The following SBNO1 variants were observed in gnomAD, a reference collection of about 807,000 sequenced individuals.
SBNO1 encodes the protein strawberry notch homolog 1.
Under a neutral mutation model 173.6 loss-of-function variants are expected in SBNO1, and 23 were observed. The ratio of observed to expected loss-of-function variants is 0.13; its 90% CI spans 0.10 to 0.19. The LOEUF (loss-of-function observed/expected upper bound fraction) is 0.19. Among genes scored for constraint, SBNO1 ranks in the 10% least tolerant of loss-of-function variants. SBNO1 has a pLI of 1.00. For missense variants in SBNO1, 1,238 were observed against 1,671.2 expected, an observed-to-expected ratio of 0.74 and a Z score of 4.52; for synonymous variants, 632 against 571.5, an observed-to-expected ratio of 1.11 and a Z score of -1.51.
chr12:123,314,907 T>TC (rs1491413935), intron 23 of SBNO1, among the ~76,000 whole-genome samples: 3 of 126,910 alleles, frequency 2.4e-5, no homozygotes, highest in African/African-American at 8.6e-5. Flanking sequence ...AATTTTTGTA[T>TC]TTTTTTTTTT....
chr12:123,328,990 A>G, intron 9 of SBNO1, 95 bp from the exon 10 acceptor site: 4 of 709,276 alleles, frequency 5.6e-6, no homozygotes, highest in East Asian at 2.8e-5. Context: ...AACTCTTGTT[A>G]GGCCCATGAC....
At chr12:123,356,437 G>C (rs1311815044) in intron 1 of SBNO1, among the ~76,000 whole-genome samples, 2 of 152,024 alleles carry the variant, frequency 1.3e-5, no homozygotes, top group African/African-American at 4.8e-5. Context: ...CTAGTCTTTG[G>C]GTTTGTTTGT....
intron 20 of SBNO1, among the ~76,000 whole-genome samples, chr12:123,317,642 G>A (rs1240567777): frequency 6.6e-6 from 1 of 152,150 alleles, no homozygotes; most frequent in Non-Finnish European, 1.5e-5. Context: ...GTACTGACAA[G>A]AGTCTGGAAC....
intron 21 of SBNO1, among the ~76,000 whole-genome samples, chr12:123,316,265 C>T (rs1385090197): frequency 6.6e-6 from 1 of 152,128 alleles, no homozygotes; most frequent in East Asian, 1.9e-4. Context: ...GCTCTTGTTG[C>T]CAAAGGTAGA....
At chr12:123,302,249 TG>T (rs1178538548) in intron 30 of SBNO1, among the ~76,000 whole-genome samples, 6,638 of 144,392 alleles carry the variant, frequency 0.046, 153 homozygotes, top group South Asian at 0.093. Flanking sequence ...TTTTTTTTTT[TG>T]TTTTTTTTTT....
At position 123,310,474 on chromosome 12, in the gene SBNO1, C is replaced by T. The variant is rs552829492; in HGVS notation, c.3295+581G>A. ...GTCTTGGACTCCTGACCTTGTGATA[C>T]GCCTGCCTCAGCCTCCCAAAGTGAT... On this transcript the variant is annotated intron_variant, in intron 25 of 31. Coordinates refer to ENST00000602398, the MANE Select transcript of SBNO1 (RefSeq NM_001167856.3). Among the ~76,000 whole-genome samples, 793 of 151,762 alleles carry T rather than the reference C, an allele frequency of 5.2e-3. 4 individuals carry two copies. Among genetic ancestry groups the T allele is most frequent in the Non-Finnish European group, 9.6e-3 (649 of 67,934 alleles).
At chr12:123,346,933 C>T (rs1010504057) in intron 3 of SBNO1, among the ~76,000 whole-genome samples, 25 of 151,438 alleles carry the variant, frequency 1.7e-4, no homozygotes, top group Non-Finnish European at 8.8e-5. Context: ...CAAAAATTAG[C>T]CAGGCATGGT....
rs1225178553 is a variant in SBNO1 at position 123,293,227 on chromosome 12, AATTTTTTGT to A, written c.*2672_*2680del. The A allele has an allele frequency of 1.3e-5, 2 of 152,162 alleles. No homozygotes were observed. Among genetic ancestry groups the A allele is most frequent in the African/African-American group, 4.8e-5 (2 of 41,432 alleles). The allele number at this position is 152,162 out of a possible 1,614,324, so 9.4% of individuals were successfully genotyped here. Reference sequence around the variant, plus strand: ...ACCTATTTTACAGAAGTCAGCGGCAAATTTTTTGTATTTTTTGGTACAGATGGGGTTTTG... The same window carrying A: ...ACCTATTTTACAGAAGTCAGCGGCAAATTTTTTGGTACAGATGGGGTTTTG... On this transcript the variant is annotated 3_prime_UTR_variant, in exon 32 of 32. Transcript: ENST00000602398.
rs374257012 is a variant in SBNO1, at chr12:123,311,166, A to G, written c.3221-37T>C. Reference sequence around the variant, plus strand: ...GGATCAATTCTGACTCATAAATTACAAGGGATGTCTACAATGTACCACTAA... The same window carrying G: ...GGATCAATTCTGACTCATAAATTACGAGGGATGTCTACAATGTACCACTAA... On this transcript the variant is annotated intron_variant, in intron 24 of 31. Coordinates refer to ENST00000602398, the MANE Select transcript of SBNO1 (RefSeq NM_001167856.3). 10 of 1,473,780 alleles carry G rather than the reference A, an allele frequency of 6.8e-6. No individual in the cohort carries two copies. The African/African-American group carries it at 1.4e-4, about 20-fold the overall frequency. 91.3% of individuals were successfully genotyped at this position (1,473,780 alleles called of 1,614,324 possible).
intron 5 of SBNO1, among the ~76,000 whole-genome samples, chr12:123,337,324 C>T (rs1170776275): frequency 6.6e-6 from 1 of 152,176 alleles, no homozygotes; most frequent in African/African-American, 2.4e-5. Flanking sequence ...TTTTCACTAC[C>T]AGTACAATCA....
At position 123,352,333 on chromosome 12, in the gene SBNO1, C is replaced by T. The variant is rs181431343; in HGVS notation, c.1-1892G>A. The stretch of plus-strand genomic sequence containing the variant: ...GCCAAGAGTACGATCAGCATGACTA[C>T]GCAGTTTCGCTCTTGTTGCCCAAGG... On this transcript the variant is annotated intron_variant, in intron 1 of 31. Transcript: ENST00000602398. Among the ~76,000 whole-genome samples, 102 of 152,348 alleles carry T rather than the reference C, an allele frequency of 6.7e-4. 1 individual carries two copies. The highest frequency in any genetic ancestry group is 2.0e-3 in the African/African-American group (82 of 41,584).
At position 123,321,543 on chromosome 12, in the gene SBNO1, T is replaced by C. The variant is rs1869979975; in HGVS notation, c.2315A>G (p.Asp772Gly). The change falls in exon 17 of 32, where the codon GAT becomes GGT. Residue 772 changes from aspartate (D) to glycine (G), a missense_variant. By Grantham distance (94) the Asp-to-Gly change is moderately conservative (BLOSUM62 -1). Around this residue, in one of 14 missense-constraint regions of SBNO1, gnomAD observed 33 missense variants for 29.6 expected, o/e 1.11. Coordinates refer to ENST00000602398, the MANE Select transcript of SBNO1 (RefSeq NM_001167856.3). ...TAATATACTGAACTTACCATTTTCA[T>C]CATCCTCATTAGACTCATCTAAAAA... ...NPFLDESNED[D>G]ENDPWLIRKD... 1 of 1,608,842 alleles carries C rather than the reference T, an allele frequency of 6.2e-7. No homozygotes were observed. The highest frequency in any genetic ancestry group is 1.3e-5 in the African/African-American group (1 of 74,830).
intron 4 of SBNO1, 98 bp downstream of exon 4, chr12:123,345,160 A>T: frequency 9.8e-7 from 1 of 1,021,136 alleles, no homozygotes; most frequent in Non-Finnish European, 1.5e-6. Context: ...ACACCCTTTT[A>T]TGGCCAGTTC....
chr12:123,296,165 A>G (rs758916997), intron 31 of SBNO1, 115 bp from the exon 32 acceptor site: 6 of 644,762 alleles, frequency 9.3e-6, no homozygotes, highest in East Asian at 2.6e-5. Flanking sequence ...AGAAGTTCAC[A>G]CAAAAATTAA....
At chr12:123,310,330 T>C (rs1566026417) in intron 25 of SBNO1, among the ~76,000 whole-genome samples, 2 of 152,022 alleles carry the variant, frequency 1.3e-5, no homozygotes, top group Non-Finnish European at 2.9e-5. Context: ...CCCTGCCAGA[T>C]TCAAGCAGTT....
chr12:123,344,751 A>C (rs1240280737), intron 4 of SBNO1, among the ~76,000 whole-genome samples: 1 of 152,134 alleles, frequency 6.6e-6, no homozygotes, highest in East Asian at 1.9e-4. Context: ...CGGGAGGCTG[A>C]GGCAGGAGAA....
At chr12:123,331,482 A>AT in intron 7 of SBNO1, 107 bp from the exon 8 acceptor site, 1 of 1,011,618 alleles carries the variant, frequency 9.9e-7, no homozygotes, top group Non-Finnish European at 1.4e-6. Context: ...TTTGTTTTGT[A>AT]TATGTATTTT....
intron 1 of SBNO1, chr12:123,364,128 G>T: frequency 5.1e-6 from 5 of 985,554 alleles, no homozygotes; most frequent in Non-Finnish European, 6.0e-6. Flanking sequence ...GAGCCTGCAC[G>T]TGTCCCCCGC....
intron 1 of SBNO1, among the ~76,000 whole-genome samples, chr12:123,353,152 A>G (rs553656940): frequency 2.1e-4 from 32 of 152,314 alleles, no homozygotes; most frequent in Admixed American, 5.2e-4. Context: ...AACCTGAGGA[A>G]GAAAACCATT....
Sources: gnomAD v4.1 joint callset for allele counts (sites outside exome capture counted in the v4.1 genomes callset) on GRCh38, gnomAD v4.1.1 for gene constraint, gnomAD v4.1.1 regional missense constraint, MANE v1.5 for transcripts, NCBI Gene and HGNC (gene_info 2026-07-23, HGNC 2026-07-21) for gene names.